Variants in RASL10B observed in about 807,000 individuals in gnomAD.
RASL10B encodes the protein ras-like protein family member 10B.
Under a neutral mutation model 20.7 loss-of-function variants are expected in RASL10B, and 10 were observed. The observed-to-expected ratio is 0.48, with a 90% CI of 0.30 to 0.82. The LOEUF (loss-of-function observed/expected upper bound fraction) is 0.82. Ranked by LOEUF, RASL10B falls within the 40% of genes least tolerant of loss-of-function variation. The pLI is 0.07. For synonymous variants in RASL10B, 110 were observed against 123.3 expected (o/e 0.89, Z 0.72); for missense variants, 231 against 295.4 (o/e 0.78, Z 1.60).
At chr17:35,740,183 A>G (rs929986120) in intron 2 of RASL10B, among the ~76,000 whole-genome samples, 4 of 152,258 alleles carry the variant, frequency 2.6e-5, no homozygotes, top group Non-Finnish European at 4.4e-5. Context: ...AAGACAGTGC[A>G]GTGGCCCTGT....
Position 35,735,422 on chromosome 17 carries a change from T to C in RASL10B, c.216+22T>C, listed in dbSNP as rs1555597078. On this transcript the variant is annotated intron_variant, in intron 2 of 3. Coordinates refer to ENST00000603017, the MANE Select transcript of RASL10B (RefSeq NM_033315.4). The surrounding 1 kb of genome is among the most constrained non-coding windows in gnomAD (Gnocchi z 6.7). ...CCAGGTAGGAGGACCCTGGGGGGCA[T>C]GGGTTAGTGGGGAAACGGATGGGTA... 5 of 1,609,062 alleles carry C rather than the reference T, an allele frequency of 3.1e-6. No individual in the cohort carries two copies. The Admixed American group carries it at 5.0e-5, about 16-fold the overall frequency.
chr17:35,734,051 T>C (rs782398041), intron 1 of RASL10B, among the ~76,000 whole-genome samples: 6 of 152,176 alleles, frequency 3.9e-5, no homozygotes, highest in Admixed American at 6.5e-5. Flanking sequence ...TCCCAGCACT[T>C]TGGGAGGCCA....
intron 1 of RASL10B, among the ~76,000 whole-genome samples, chr17:35,732,636 C>A (rs2085565189): frequency 6.6e-6 from 1 of 152,150 alleles, no homozygotes; most frequent in Admixed American, 6.5e-5. Flanking sequence ...TTCCTAGCTC[C>A]TGGGTAGTGC....
Position 35,735,413 on chromosome 17 carries a change from T to TG in RASL10B, c.216+19dup. 6 of 1,612,012 alleles carry TG rather than the reference T, an allele frequency of 3.7e-6. No homozygotes were observed. Among genetic ancestry groups the TG allele is most frequent in the Admixed American group, 1.7e-5 (1 of 59,994 alleles). On this transcript the variant is annotated intron_variant, in intron 2 of 3. Transcript: ENST00000603017. This position sits in a 1 kb window ranked among gnomAD's most constrained non-coding sequence, Gnocchi z 6.7. ...CAATACGCTCCAGGTAGGAGGACCC[T>TG]GGGGGGCATGGGTTAGTGGGGAAAC...
At position 35,741,345 on chromosome 17, in the gene RASL10B, C is replaced by A. The variant is rs1259446285; in HGVS notation, c.*40C>A. On this transcript the variant is annotated 3_prime_UTR_variant, in exon 4 of 4. Transcript: ENST00000603017. ...TCGGGCTGCACCGGCACTGGCCGAG[C>A]GGAGGGCGGGGCCGTACTGCGGGGC... The A allele has an allele frequency of 2.9e-6, 4 of 1,398,642 alleles. No homozygotes were observed. The South Asian group carries it at 4.7e-5, about 16-fold the overall frequency. 86.6% of individuals were successfully genotyped at this position (1,398,642 alleles called of 1,614,324 possible).
Position 35,740,440 on chromosome 17 carries a change from G to A in RASL10B, c.248G>A (p.Arg83Gln), listed in dbSNP as rs370756789. ...GCAGACACCTGCTGCAGGGGACTCC[G>A]GAGTGTCCACGCCTACATCCTGGTC... ...EWADTCCRGL[R>Q]SVHAYILVYD... Residue 83 changes from arginine (R) to glutamine (Q), a missense_variant, in exon 3 of 4, where the codon CGG becomes CAG. Arg to Gln is a conservative substitution (Grantham distance 43). Transcript: ENST00000603017. 253 of 1,613,852 alleles carry A rather than the reference G, an allele frequency of 1.6e-4. No individual in the cohort carries two copies. Among genetic ancestry groups the A allele is most frequent in the Non-Finnish European group, 2.1e-4 (246 of 1,179,944 alleles).
Position 35,735,266 on chromosome 17 carries a change from G to A in RASL10B, c.82G>A (p.Glu28Lys), listed in dbSNP as rs2085583553. 3.1e-6 allele frequency: 5 copies of A among 1,613,830 alleles called. No individual in the cohort carries two copies. Among genetic ancestry groups the A allele is most frequent in the Non-Finnish European group, 4.2e-6 (5 of 1,180,026 alleles). Residue 28 changes from glutamate (E) to lysine (K), a missense_variant, in exon 2 of 4, where the codon GAG (glutamate) becomes AAG (lysine). Physicochemically the swap from Glu to Lys is moderately conservative, Grantham distance 56 (BLOSUM62 1). Coordinates refer to ENST00000603017, the MANE Select transcript of RASL10B (RefSeq NM_033315.4). The surrounding 1 kb of genome is among the most constrained non-coding windows in gnomAD (Gnocchi z 6.7). Reference protein sequence around the residue: ...SAIVRQFLYNEFSEVCVPTTA... With the variant: ...SAIVRQFLYNKFSEVCVPTTA... ...CATCGTGCGCCAGTTCTTGTACAAC[G>A]AGTTCAGCGAGGTCTGCGTCCCCAC...
chr17:35,732,136 ATCAGG>A (rs1272911941), intron 1 of RASL10B, among the ~76,000 whole-genome samples: 1 of 152,062 alleles, frequency 6.6e-6, no homozygotes, highest in Admixed American at 6.5e-5. Context: ...ACTCCTACCA[ATCAGG>A]TCATGGGGAG....
chr17:35,732,303 G>A (rs1394571192), intron 1 of RASL10B, among the ~76,000 whole-genome samples: 5 of 152,192 alleles, frequency 3.3e-5, no homozygotes, highest in Non-Finnish European at 7.4e-5. Flanking sequence ...GGAAGGGGAC[G>A]GAACCAGGCT....
In RASL10B at chr17:35,741,496, T is replaced by C. The variant is rs2018655601; in HGVS notation, c.*191T>C. 4.5e-6 allele frequency: 4 copies of C among 881,120 alleles called. No homozygotes were observed. In the African/African-American group the frequency reaches 7.1e-5, roughly 16 times the overall value. The allele number at this position is 881,120 out of a possible 1,614,324, so 54.6% of individuals were successfully genotyped here. On this transcript the variant is annotated 3_prime_UTR_variant, in exon 4 of 4. Coordinates refer to ENST00000603017, the MANE Select transcript of RASL10B (RefSeq NM_033315.4). ...CTCCGTAACTGCCCAGCCCTGCCCCTTGCCCCCGTGGCTTCCTGGGACAGC... is the reference window on the plus strand; with the variant it reads ...CTCCGTAACTGCCCAGCCCTGCCCCCTGCCCCCGTGGCTTCCTGGGACAGC...
rs2085638830 is a variant in RASL10B, at chr17:35,742,886, G to A, written c.*1581G>A. 1 of 152,256 alleles carries A rather than the reference G, an allele frequency of 6.6e-6. No homozygotes were observed. The highest frequency in any genetic ancestry group is 2.4e-5 in the African/African-American group (1 of 41,442). The allele number at this position is 152,256 out of a possible 1,614,324, so 9.4% of individuals were successfully genotyped here. ...AGCAGAGTCTGGGGGAAGGGTCGTG[G>A]GTGGGGAATTTATCACCAACATCCA... On this transcript the variant is annotated 3_prime_UTR_variant, in exon 4 of 4. Coordinates refer to ENST00000603017, the MANE Select transcript of RASL10B (RefSeq NM_033315.4).
chr17:35,735,497 GC>G lies in RASL10B; in HGVS notation c.216+101del. On this transcript the variant is annotated intron_variant, in intron 2 of 3. Transcript: ENST00000603017. This position sits in a 1 kb window ranked among gnomAD's most constrained non-coding sequence, Gnocchi z 6.7. ...CTGTAGCTTGGGCCCTATTGCCAGG[GC>G]CCCATCACTGAGTTTGGGAGCTCCA... The G allele has an allele frequency of 8.1e-7, 1 of 1,231,564 alleles. No homozygotes were observed. The highest frequency in any genetic ancestry group is 1.2e-6 in the Non-Finnish European group (1 of 869,114). The allele number at this position is 1,231,564 out of a possible 1,614,324, so 76.3% of individuals were successfully genotyped here.
intron 1 of RASL10B, among the ~76,000 whole-genome samples, chr17:35,734,695 A>G (rs2085578974): frequency 6.6e-6 from 1 of 152,184 alleles, no homozygotes; most frequent in Admixed American, 6.5e-5. Flanking sequence ...ATTCAGGAGG[A>G]CACAGACTCA....
intron 2 of RASL10B, among the ~76,000 whole-genome samples, chr17:35,739,044 G>A (rs1158270968): frequency 6.6e-6 from 1 of 152,158 alleles, no homozygotes; most frequent in East Asian, 1.9e-4. Context: ...GTTTGTCCTC[G>A]GCATCCTCCC....
At position 35,735,500 on chromosome 17, in the gene RASL10B, C is replaced by T. The variant is rs999017677; in HGVS notation, c.216+100C>T. 9.1e-6 allele frequency: 11 copies of T among 1,208,398 alleles called. No homozygotes were observed. Among genetic ancestry groups the T allele is most frequent in the Middle Eastern group, 1.9e-4 (1 of 5,202 alleles). The allele number at this position is 1,208,398 out of a possible 1,614,324, so 74.9% of individuals were successfully genotyped here. A position where few individuals can be genotyped will look rare whatever the true frequency, so the allele number is the denominator to read the frequency against. ...TAGCTTGGGCCCTATTGCCAGGGCC[C>T]CATCACTGAGTTTGGGAGCTCCACA... On this transcript the variant is annotated intron_variant, in intron 2 of 3. Coordinates refer to ENST00000603017, the MANE Select transcript of RASL10B (RefSeq NM_033315.4). This position sits in a 1 kb window ranked among gnomAD's most constrained non-coding sequence, Gnocchi z 6.7.
chr17:35,733,703 T>C (rs1319009655), intron 1 of RASL10B, among the ~76,000 whole-genome samples: 1 of 152,242 alleles, frequency 6.6e-6, no homozygotes, highest in Non-Finnish European at 1.5e-5. Context: ...CTGGTCACCA[T>C]CACCAACAAA....
intron 1 of RASL10B, among the ~76,000 whole-genome samples, chr17:35,734,222 G>A (rs587600300): frequency 1.3e-5 from 2 of 152,328 alleles, no homozygotes; most frequent in South Asian, 4.1e-4. Context: ...GGAGGTGAAG[G>A]CTGCAGTGAG....
chr17:35,735,611 T>C lies in RASL10B; in HGVS notation c.216+211T>C, dbSNP rs1188860533. ...TTATTCAACAAATATTTGGTGACCG[T>C]TCAATGTGTGCCAGGCCCTGCAGTG... is the stretch of plus-strand genomic sequence containing the variant. On this transcript the variant is annotated intron_variant, in intron 2 of 3. Transcript: ENST00000603017. The surrounding 1 kb of genome is among the most constrained non-coding windows in gnomAD (Gnocchi z 6.7). 6.6e-6 allele frequency among the ~76,000 whole-genome samples: 1 copy of C among 152,240 alleles called. No homozygotes were observed. Among genetic ancestry groups the C allele is most frequent in the Non-Finnish European group, 1.5e-5 (1 of 68,038 alleles).
chr17:35,741,499 C>T lies in RASL10B; in HGVS notation c.*194C>T. The T allele has an allele frequency of 1.2e-6, 1 of 847,930 alleles. No individual in the cohort carries two copies. Among genetic ancestry groups the T allele is most frequent in the Non-Finnish European group, 1.6e-6 (1 of 607,594 alleles). 52.5% of individuals were successfully genotyped at this position (847,930 alleles called of 1,614,324 possible). On this transcript the variant is annotated 3_prime_UTR_variant, in exon 4 of 4. Coordinates refer to ENST00000603017, the MANE Select transcript of RASL10B (RefSeq NM_033315.4). ...CGTAACTGCCCAGCCCTGCCCCTTG[C>T]CCCCGTGGCTTCCTGGGACAGCCGC...
Sources: gnomAD v4.1 joint callset for allele counts (sites outside exome capture counted in the v4.1 genomes callset) on GRCh38, gnomAD v4.1.1 for gene constraint, Gnocchi (gnomAD v3.1) non-coding constraint, MANE v1.5 for transcripts, NCBI Gene and HGNC (gene_info 2026-07-23, HGNC 2026-07-21) for gene names.